TMEM163: variants seen among roughly 807,000 people sequenced by gnomAD.
TMEM163 encodes the protein transmembrane protein 163.
Under a neutral mutation model 29.3 loss-of-function variants are expected in TMEM163, and 17 were observed. That is an observed-to-expected ratio of 0.58 (90% confidence interval 0.40 to 0.87). The LOEUF (loss-of-function observed/expected upper bound fraction) is 0.87, where lower values mean the gene tolerates loss of function less well. Among genes scored for constraint, TMEM163 ranks in the 40% least tolerant of loss-of-function variants. TMEM163 has a pLI of 0.00. For synonymous variants in TMEM163, 157 were observed against 160.6 expected (o/e 0.98, Z 0.17); for missense variants, 303 against 381.5 (o/e 0.79, Z 1.71).
At chr2:134,531,345 C>G (rs190215962) in intron 4 of TMEM163, among the ~76,000 whole-genome samples, 1 of 152,208 alleles carries the variant, frequency 6.6e-6, no homozygotes, top group Non-Finnish European at 1.5e-5. Context: ...TTTCCCCACA[C>G]ACTAAGCAAG....
At chr2:134,663,155 C>A (rs541129723) in intron 2 of TMEM163, among the ~76,000 whole-genome samples, 44 of 152,350 alleles carry the variant, frequency 2.9e-4, no homozygotes, top group Admixed American at 9.8e-4. Flanking sequence ...TTAAACAGAA[C>A]TGCAAAAAGG....
intron 2 of TMEM163, among the ~76,000 whole-genome samples, chr2:134,597,595 C>T (rs1682117025): frequency 6.6e-6 from 1 of 152,222 alleles, no homozygotes; most frequent in East Asian, 1.9e-4. Flanking sequence ...TGTGTCTCTG[C>T]CAGGCTTTGG....
At chr2:134,571,492 C>G (rs1681427953) in intron 2 of TMEM163, among the ~76,000 whole-genome samples, 1 of 152,106 alleles carries the variant, frequency 6.6e-6, no homozygotes, top group African/African-American at 2.4e-5. Context: ...CTAAAGCATT[C>G]TACTTACAAA....
At chr2:134,519,543 C>T (rs1680146692) in intron 4 of TMEM163, among the ~76,000 whole-genome samples, 1 of 151,970 alleles carries the variant, frequency 6.6e-6, no homozygotes, top group Admixed American at 6.6e-5. Flanking sequence ...AACCCCGTCT[C>T]TACCAAAAAT....
intron 5 of TMEM163, among the ~76,000 whole-genome samples, chr2:134,491,222 C>G (rs1304514986): frequency 1.3e-5 from 2 of 152,194 alleles, no homozygotes; most frequent in African/African-American, 2.4e-5. Flanking sequence ...ACACCAGTGT[C>G]CTGAATACAC....
At chr2:134,502,843 G>A in intron 5 of TMEM163, 58 bp downstream of exon 5, 1 of 1,494,154 alleles carries the variant, frequency 6.7e-7, no homozygotes, top group Non-Finnish European at 9.2e-7. Context: ...GCGATAAGAG[G>A]CAGCCCAGGG....
At chr2:134,594,628 G>A (rs1325963175) in intron 2 of TMEM163, among the ~76,000 whole-genome samples, 1 of 152,230 alleles carries the variant, frequency 6.6e-6, no homozygotes, top group African/African-American at 2.4e-5. Flanking sequence ...GTAGATCAGG[G>A]AGGCACGCCC....
chr2:134,628,660 G>T (rs752989968), intron 2 of TMEM163, among the ~76,000 whole-genome samples: 76 of 152,262 alleles, frequency 5.0e-4, no homozygotes, highest in Non-Finnish European at 5.9e-4. Flanking sequence ...TCATTGCTGG[G>T]AGGATTAAGG....
Position 134,655,548 on chromosome 2 carries a change from T to C in TMEM163, c.322+57652A>G, listed in dbSNP as rs1220835152. On this transcript the variant is annotated intron_variant, in intron 2 of 7. Coordinates refer to ENST00000281924, the MANE Select transcript of TMEM163 (RefSeq NM_030923.5). ...CGTCTGAAGCCTTCTTCTCTCAGCT[T>C]GTCAAAGTCATTCTCCATCCAGCTT... 2.8e-5 allele frequency among the ~76,000 whole-genome samples: 4 copies of C among 140,922 alleles called. 1 individual carries two copies. The highest frequency in any genetic ancestry group is 4.5e-5 in the Non-Finnish European group (3 of 66,676). 92.5% of individuals were successfully genotyped at this position (140,922 alleles called of 152,430 possible).
intron 4 of TMEM163, among the ~76,000 whole-genome samples, chr2:134,535,253 T>G (rs1435079275): frequency 6.6e-6 from 1 of 152,176 alleles, no homozygotes; most frequent in African/African-American, 2.4e-5. Flanking sequence ...TCGTGCACAT[T>G]GCTTTTCTCA....
At chr2:134,506,315 A>G (rs1387671417) in intron 4 of TMEM163, among the ~76,000 whole-genome samples, 1 of 152,188 alleles carries the variant, frequency 6.6e-6, no homozygotes, top group South Asian at 2.1e-4. Flanking sequence ...AACAGCCCAA[A>G]GCAGCTATTA....
Position 134,522,317 on chromosome 2 carries a change from G to A in TMEM163, c.459-19320C>T, listed in dbSNP as rs554751004. ...CTGATTTCCCTCAAGAGGAAAGAAA[G>A]CAGCATAAAACACACTGGCTGAATT... On this transcript the variant is annotated intron_variant, in intron 4 of 7. Transcript: ENST00000281924. Among the ~76,000 whole-genome samples, 3 of 152,364 alleles carry A rather than the reference G, an allele frequency of 2.0e-5. No homozygotes were observed. The South Asian group carries it at 6.2e-4, about 32-fold the overall frequency.
At chr2:134,642,062 G>C (rs957306598) in intron 2 of TMEM163, among the ~76,000 whole-genome samples, 12 of 151,710 alleles carry the variant, frequency 7.9e-5, no homozygotes, top group African/African-American at 2.9e-4. Context: ...CCTAACAGCA[G>C]AGCTTCAAAA....
At chr2:134,484,234 A>G (rs1187258602) in intron 5 of TMEM163, among the ~76,000 whole-genome samples, 3 of 152,214 alleles carry the variant, frequency 2.0e-5, no homozygotes, top group Non-Finnish European at 4.4e-5. Context: ...GGAGGAAAAA[A>G]AAACACCCTC....
chr2:134,495,896 C>T (rs933529467), intron 5 of TMEM163, among the ~76,000 whole-genome samples: 1 of 152,184 alleles, frequency 6.6e-6, no homozygotes, highest in Non-Finnish European at 1.5e-5. Context: ...TCTTCTATTT[C>T]TGTTTCCTTG....
Position 134,633,966 on chromosome 2 carries a change from C to CATAT in TMEM163, c.322+79230_322+79233dup, listed in dbSNP as rs535811215. 4.6e-3 allele frequency among the ~76,000 whole-genome samples: 172 copies of CATAT among 37,794 alleles called. 2 individuals carry two copies. Among genetic ancestry groups the CATAT allele is most frequent in the Admixed American group, 9.8e-3 (26 of 2,644 alleles). 24.8% of individuals were successfully genotyped at this position (37,794 alleles called of 152,430 possible). On this transcript the variant is annotated intron_variant, in intron 2 of 7. Coordinates refer to ENST00000281924, the MANE Select transcript of TMEM163 (RefSeq NM_030923.5). ...GTGAAACTGTCTCAAAAAAAAAATA[C>CATAT]ATATATATATATATATATATATATA... is the stretch of plus-strand genomic sequence containing the variant.
intron 2 of TMEM163, among the ~76,000 whole-genome samples, chr2:134,629,672 T>C (rs1682927589): frequency 6.6e-6 from 1 of 152,254 alleles, no homozygotes; most frequent in African/African-American, 2.4e-5. Flanking sequence ...CTTTTGCATA[T>C]TTACTTTTCT....
chr2:134,511,158 G>T (rs1329367625), intron 4 of TMEM163, among the ~76,000 whole-genome samples: 2 of 150,106 alleles, frequency 1.3e-5, no homozygotes, highest in Non-Finnish European at 2.9e-5. Context: ...CAAGGCGGGG[G>T]GGGGTGCTGT....
chr2:134,470,314 G>A (rs955459021), intron 5 of TMEM163, among the ~76,000 whole-genome samples: 1 of 147,990 alleles, frequency 6.8e-6, no homozygotes, highest in Non-Finnish European at 1.5e-5. Flanking sequence ...CTGAGATAGC[G>A]CCACTGCACT....
Sources: gnomAD v4.1 joint callset for allele counts (sites outside exome capture counted in the v4.1 genomes callset) on GRCh38, gnomAD v4.1.1 for gene constraint, MANE v1.5 for transcripts, NCBI Gene and HGNC (gene_info 2026-07-23, HGNC 2026-07-21) for gene names.